Variants in HEPH observed in about 807,000 individuals in gnomAD.
HEPH encodes hephaestin.
HEPH carries 69 observed loss-of-function variants against 80.8 expected under a neutral mutation model. The observed-to-expected ratio is 0.85, with a 90% CI of 0.70 to 1.04. The LOEUF (loss-of-function observed/expected upper bound fraction) is 1.04. HEPH is among the 50% of genes least tolerant of loss of function. HEPH has a pLI of 0.00. For missense variants in HEPH, 1,115 were observed against 891.3 expected (o/e 1.25, Z -3.20); for synonymous variants, 431 against 322.8 (o/e 1.34, Z -3.60).
At chrX:66,192,023 G>T in intron 6 of HEPH, 107 bp from the exon 7 acceptor site, 1 of 755,607 alleles carries the variant, frequency 1.3e-6, no homozygotes, top group Non-Finnish European at 1.9e-6. Flanking sequence ...AGTAAAGAGA[G>T]TAGTGGAGGG....
At chrX:66,244,361 A>T (rs914838199) in intron 15 of HEPH, among the ~76,000 whole-genome samples, 5 of 111,195 alleles carry the variant, frequency 4.5e-5, no homozygotes, top group African/African-American at 1.6e-4. Flanking sequence ...GATTTTGTTC[A>T]TTTATTTTTA....
chrX:66,262,968 G>A (rs1244779113), intron 19 of HEPH, among the ~76,000 whole-genome samples: 1 of 111,096 alleles, frequency 9.0e-6, no homozygotes, highest in Non-Finnish European at 1.9e-5. Context: ...AAAGTTATTG[G>A]AGTTAAAAGG....
chrX:66,186,990 T>G (rs1283777505), intron 4 of HEPH, among the ~76,000 whole-genome samples: 1 of 111,268 alleles, frequency 9.0e-6, no homozygotes, highest in Non-Finnish European at 1.9e-5. Context: ...GACTCTGAAT[T>G]TTTTTCTTCT....
chrX:66,258,937 T>A lies in HEPH; in HGVS notation c.2994T>A (p.Asp998Glu). ...TGCTGGCCATGGGCCAAGATGTGGATCTACACACCATCCACTTTCATGCAG... is the reference window on the plus strand; with the variant it reads ...TGCTGGCCATGGGCCAAGATGTGGAACTACACACCATCCACTTTCATGCAG... ...WYMLAMGQDV[D>E]LHTIHFHAES... The change falls in exon 18 of 21, where the codon GAT becomes GAA. Residue 998 changes from aspartate to glutamate, a missense_variant. Physicochemically the swap from Asp to Glu is conservative, Grantham distance 45. Transcript: ENST00000343002. 8.3e-7 allele frequency: 1 copy of A among 1,204,487 alleles called. No homozygotes were observed. The highest frequency in any genetic ancestry group is 1.1e-6 in the Non-Finnish European group (1 of 891,937).
intron 20 of HEPH, 60 bp from the exon 21 acceptor site, chrX:66,266,380 T>A: frequency 4.5e-6 from 4 of 895,188 alleles, no homozygotes; most frequent in Non-Finnish European, 4.8e-6. Flanking sequence ...TGACTATAGA[T>A]AGTTACCTTT....
rs187138202 is a variant in HEPH, at chrX:66,225,319, A to T, written c.2563+17073A>T. On this transcript the variant is annotated intron_variant, in intron 15 of 20. Coordinates refer to ENST00000343002, the MANE Select transcript of HEPH (RefSeq NM_001367233.3). ...TTCTTCAAGACAAAACACCACGCTT[A>T]CATCACACACACACCACAAAACAAA... Among the ~76,000 whole-genome samples, 205 of 112,083 alleles carry T rather than the reference A, an allele frequency of 1.8e-3. 1 individual carries two copies. Among genetic ancestry groups the T allele is most frequent in the African/African-American group, 6.4e-3 (197 of 30,870 alleles).
intron 7 of HEPH, among the ~76,000 whole-genome samples, chrX:66,192,593 G>C (rs776058488): frequency 8.9e-6 from 1 of 111,773 alleles, no homozygotes; most frequent in Non-Finnish European, 1.9e-5. Flanking sequence ...GGAAAGCCCA[G>C]GTGGGACCAG....
At chrX:66,197,269 T>A (rs1033575344) in intron 9 of HEPH, among the ~76,000 whole-genome samples, 4 of 110,364 alleles carry the variant, frequency 3.6e-5, no homozygotes, top group African/African-American at 1.3e-4. Flanking sequence ...AATTAAATAA[T>A]CAGAGCTGTT....
At chrX:66,215,323 G>T (rs2089339088) in intron 15 of HEPH, among the ~76,000 whole-genome samples, 1 of 110,480 alleles carries the variant, frequency 9.1e-6, no homozygotes, top group Admixed American at 9.8e-5. Context: ...AGTTTTACTA[G>T]TTTGTTGATT....
At chrX:66,250,287 C>T (rs1198405347) in intron 15 of HEPH, among the ~76,000 whole-genome samples, 9 of 111,603 alleles carry the variant, frequency 8.1e-5, no homozygotes, top group Non-Finnish European at 1.5e-4. Flanking sequence ...ATGCTTTCAC[C>T]TCTGACTCTT....
intron 18 of HEPH, 122 bp from the exon 19 acceptor site, chrX:66,259,978 G>T: frequency 3.7e-6 from 2 of 536,382 alleles, no homozygotes; most frequent in Admixed American, 2.9e-5. Context: ...CCACTCACTG[G>T]TCTAGGAACC....
intron 8 of HEPH, among the ~76,000 whole-genome samples, chrX:66,194,233 T>C (rs2087965953): frequency 9.0e-6 from 1 of 111,056 alleles, no homozygotes. Context: ...TCGGGATAGG[T>C]GTGTGCCAGT....
At position 66,251,405 on chromosome X, in the gene HEPH, T is replaced by C. The variant is rs760516448; in HGVS notation, c.2564-3630T>C. Among the ~76,000 whole-genome samples the C allele has an allele frequency of 4.3e-4, 48 of 112,395 alleles. 1 individual carries two copies. The highest frequency in any genetic ancestry group is 1.5e-3 in the African/African-American group (48 of 31,092). ...TTTAAAGGCCATTGTGACAGGTATG[T>C]AATGATATCTCATTGTAATTTTGAT... On this transcript the variant is annotated intron_variant, in intron 15 of 20. Coordinates refer to ENST00000343002, the MANE Select transcript of HEPH (RefSeq NM_001367233.3).
Position 66,174,509 on chromosome X carries a change from C to T in HEPH, c.625+708C>T, listed in dbSNP as rs752731640. ...TCTTTTTTGTATAATGACTTCTTTT[C>T]CTCTGGGTAGATGCCCAATAGTGGG... On this transcript the variant is annotated intron_variant, in intron 4 of 20. Transcript: ENST00000343002. Among the ~76,000 whole-genome samples the T allele has an allele frequency of 2.7e-5, 3 of 111,645 alleles. No individual in the cohort carries two copies. The East Asian group carries it at 8.4e-4, about 31-fold the overall frequency.
rs775215221 is a variant in HEPH, at chrX:66,263,703, G to A, written c.3244+15G>A. ...GACTGAAAAAGGTACGTAAAATGAT[G>A]CACAGACTGGGTACTTATACATAGT... On this transcript the variant is annotated intron_variant, in intron 20 of 20. Coordinates refer to ENST00000343002, the MANE Select transcript of HEPH (RefSeq NM_001367233.3). 1.7e-6 allele frequency: 2 copies of A among 1,200,114 alleles called. No homozygotes were observed. Among genetic ancestry groups the A allele is most frequent in the Admixed American group, 4.4e-5 (2 of 45,922 alleles).
At chrX:66,178,426 G>A (rs2086920330) in intron 4 of HEPH, among the ~76,000 whole-genome samples, 1 of 112,447 alleles carries the variant, frequency 8.9e-6, no homozygotes, top group South Asian at 3.7e-4. Flanking sequence ...TGTCTTTATA[G>A]CAGCATGATT....
At chrX:66,224,979 C>T (rs149700407) in intron 15 of HEPH, among the ~76,000 whole-genome samples, 3,014 of 109,490 alleles carry the variant, frequency 0.028, 100 homozygotes, top group African/African-American at 0.094. Flanking sequence ...GCTGCTTATG[C>T]TGCTGCTCTC....
intron 15 of HEPH, among the ~76,000 whole-genome samples, chrX:66,243,089 T>C (rs2090664654): frequency 8.9e-6 from 1 of 111,916 alleles, no homozygotes; most frequent in African/African-American, 3.2e-5. Flanking sequence ...CTTTTCATGA[T>C]AGCATGAACA....
chrX:66,188,224 G>C (rs1417108440), intron 4 of HEPH, 135 bp from the exon 5 acceptor site: 1 of 476,930 alleles, frequency 2.1e-6, no homozygotes, highest in Non-Finnish European at 3.5e-6. Context: ...AATCTAAGAG[G>C]GTTATTTCTG....
Sources: gnomAD v4.1 joint callset for allele counts (sites outside exome capture counted in the v4.1 genomes callset) on GRCh38, gnomAD v4.1.1 for gene constraint, MANE v1.5 for transcripts, NCBI Gene and HGNC (gene_info 2026-07-23, HGNC 2026-07-21) for gene names.